SGCD: variants seen among roughly 807,000 people sequenced by gnomAD.
The protein encoded by SGCD is delta-sarcoglycan.
In SGCD, 18 loss-of-function variants were observed where a neutral mutation model predicts 36.6. The ratio of observed to expected loss-of-function variants is 0.49; its 90% CI spans 0.34 to 0.73. The LOEUF is 0.73. SGCD is among the 30% of genes least tolerant of loss of function. SGCD has a pLI of 0.01. For synonymous variants in SGCD, 133 were observed against 130.6 expected, an observed-to-expected ratio of 1.02 and a Z score of -0.12; for missense variants, 387 against 346.7, an observed-to-expected ratio of 1.12 and a Z score of -0.92.
chr5:156,450,607 C>A (rs1753966149), intron 3 of SGCD, among the ~76,000 whole-genome samples: 1 of 149,496 alleles, frequency 6.7e-6, no homozygotes, highest in African/African-American at 2.5e-5. Flanking sequence ...TTTTTGTGTT[C>A]CAGATTAAGA....
intron 4 of SGCD, among the ~76,000 whole-genome samples, chr5:156,510,292 C>T (rs890227769): frequency 2.0e-5 from 3 of 152,134 alleles, no homozygotes; most frequent in Admixed American, 6.5e-5. Context: ...GAAACCTATA[C>T]CCTAGAAGGA....
At chr5:155,838,816 G>T in the SGCD span, among the ~76,000 whole-genome samples, 24 of 144,980 alleles carry the variant, frequency 1.7e-4, no homozygotes, top group Middle Eastern at 3.6e-3. Flanking sequence ...TTATTTTTTT[G>T]GGGGGGAATA....
At chr5:156,653,937 A>G (rs943811026) in intron 7 of SGCD, among the ~76,000 whole-genome samples, 29 of 152,032 alleles carry the variant, frequency 1.9e-4, no homozygotes, top group Non-Finnish European at 5.9e-5. Context: ...GGTGAAGCAA[A>G]AGTGGTCCAT....
At chr5:156,116,515 A>G (rs964432295) in intron 1 of SGCD, among the ~76,000 whole-genome samples, 1 of 152,186 alleles carries the variant, frequency 6.6e-6, no homozygotes, top group South Asian at 2.1e-4. Flanking sequence ...AGATGAAAAG[A>G]GTACTCACAA....
chr5:156,756,194 C>T (rs923409342), intron 7 of SGCD, among the ~76,000 whole-genome samples: 1 of 152,280 alleles, frequency 6.6e-6, no homozygotes, highest in East Asian at 1.9e-4. Flanking sequence ...TCCGTTCCTA[C>T]GTTAGGATAC....
chr5:156,598,541 CAA>C (rs1561804802), intron 6 of SGCD, among the ~76,000 whole-genome samples: 1 of 151,900 alleles, frequency 6.6e-6, no homozygotes, highest in Non-Finnish European at 1.5e-5. Flanking sequence ...GACTCTGTCT[CAA>C]AAAACAAAAA....
chr5:155,804,327 C>A, the SGCD span, among the ~76,000 whole-genome samples: 1 of 152,186 alleles, frequency 6.6e-6, no homozygotes, highest in Admixed American at 6.5e-5. Context: ...AAGGGGAAAA[C>A]TGACTTGTCC....
At chr5:156,224,300 A>G (rs2127647335) in intron 3 of SGCD, among the ~76,000 whole-genome samples, 1 of 152,158 alleles carries the variant, frequency 6.6e-6, no homozygotes, top group Non-Finnish European at 1.5e-5. Flanking sequence ...CCTCATGATT[A>G]TCTTTCTGAT....
intron 3 of SGCD, among the ~76,000 whole-genome samples, chr5:156,346,492 G>C (rs1170646405): frequency 1.3e-5 from 2 of 152,086 alleles, no homozygotes. Context: ...AGAGATGGGT[G>C]TCTCACTGTG....
At chr5:156,360,755 C>T (rs866591870) in intron 3 of SGCD, among the ~76,000 whole-genome samples, 15 of 152,060 alleles carry the variant, frequency 9.9e-5, no homozygotes, top group African/African-American at 3.6e-4. Context: ...GGGAAGACGA[C>T]TCACCCTTCC....
chr5:156,356,684 A>T (rs2127726859), intron 3 of SGCD, among the ~76,000 whole-genome samples: 1 of 152,282 alleles, frequency 6.6e-6, no homozygotes, highest in Non-Finnish European at 1.5e-5. Flanking sequence ...CCCCTACATT[A>T]TATGCTCCTA....
chr5:156,563,003 G>A (rs1480689137), intron 4 of SGCD, among the ~76,000 whole-genome samples: 1 of 151,982 alleles, frequency 6.6e-6, no homozygotes, highest in African/African-American at 2.4e-5. Flanking sequence ...TTGAGACGGA[G>A]TTTTGCTCTT....
intron 1 of SGCD, among the ~76,000 whole-genome samples, chr5:155,939,379 G>T (rs530343407): frequency 1.3e-5 from 2 of 151,960 alleles, no homozygotes; most frequent in Non-Finnish European, 2.9e-5. Flanking sequence ...AGTGGCTCAC[G>T]CCTGTAATCC....
At chr5:156,535,643 A>G (rs1366347435) in intron 4 of SGCD, among the ~76,000 whole-genome samples, 2 of 152,226 alleles carry the variant, frequency 1.3e-5, no homozygotes, top group Non-Finnish European at 2.9e-5. Context: ...AGACAACATC[A>G]TAGAGACTGC....
chr5:156,469,331 A>G (rs192585901), intron 3 of SGCD, among the ~76,000 whole-genome samples: 10 of 152,318 alleles, frequency 6.6e-5, no homozygotes, highest in Admixed American at 1.3e-4. Context: ...AAAAGCGTAC[A>G]TTTTGAGGGC....
chr5:155,891,420 A>G (rs1345703696), intron 1 of SGCD, among the ~76,000 whole-genome samples: 1 of 152,134 alleles, frequency 6.6e-6, no homozygotes, highest in Non-Finnish European at 1.5e-5. Flanking sequence ...AGTTGGGCTT[A>G]TTAAGCTCCC....
At chr5:156,388,684 T>C (rs940598099) in intron 3 of SGCD, among the ~76,000 whole-genome samples, 1 of 152,234 alleles carries the variant, frequency 6.6e-6, no homozygotes, top group Non-Finnish European at 1.5e-5. Flanking sequence ...TTTTCAGCAA[T>C]GTTGTGATTC....
At chr5:156,621,299 C>G (rs1762237168) in intron 6 of SGCD, among the ~76,000 whole-genome samples, 1 of 152,186 alleles carries the variant, frequency 6.6e-6, no homozygotes. Context: ...TCAAGTGATT[C>G]TCCTGCATCA....
intron 1 of SGCD, among the ~76,000 whole-genome samples, chr5:155,916,630 C>A (rs1580989312): frequency 3.3e-5 from 5 of 152,084 alleles, no homozygotes; most frequent in Admixed American, 3.3e-4. Context: ...TCTAGCAGGA[C>A]AGTAATATAG....
Sources: allele counts gnomAD v4.1 joint callset (sites outside exome capture counted in the v4.1 genomes callset), GRCh38; gene constraint gnomAD v4.1.1; transcripts MANE v1.5; gene names NCBI Gene and HGNC (gene_info 2026-07-23, HGNC 2026-07-21).